The following DSCAML1 variants were observed in gnomAD, a reference collection of about 807,000 sequenced individuals.
DSCAML1 encodes the protein DS cell adhesion molecule like 1.
A neutral mutation model predicts 200.5 loss-of-function variants in DSCAML1; 38 were observed. That is an observed-to-expected ratio of 0.19 (90% CI 0.15 to 0.25). DSCAML1 has a LOEUF of 0.25. DSCAML1 is among the 10% of genes least tolerant of loss of function. DSCAML1 has a pLI of 1.00. For synonymous variants in DSCAML1, 1,215 were observed against 1,165.0 expected (o/e 1.04, Z -0.87); for missense variants, 2,223 against 2,858.8 (o/e 0.78, Z 5.07).
At chr11:117,574,756 C>T (rs1170859625) in intron 3 of DSCAML1, among the ~76,000 whole-genome samples, 1 of 152,198 alleles carries the variant, frequency 6.6e-6, no homozygotes, top group East Asian at 1.9e-4. Context: ...CGGAACCTCC[C>T]TGGGCACCAG....
intron 14 of DSCAML1, among the ~76,000 whole-genome samples, chr11:117,472,740 G>GA (rs1373639048): frequency 1.3e-5 from 2 of 152,190 alleles, no homozygotes. Flanking sequence ...GTAGGAGGTG[G>GA]AAAATACCAG....
intron 3 of DSCAML1, among the ~76,000 whole-genome samples, chr11:117,683,287 C>T (rs1055215829): frequency 1.3e-5 from 2 of 152,180 alleles, no homozygotes; most frequent in African/African-American, 2.4e-5. Flanking sequence ...AGACAGAGCA[C>T]GGTTGGTCCC....
At chr11:117,740,842 A>G (rs2054408985) in intron 3 of DSCAML1, among the ~76,000 whole-genome samples, 1 of 152,272 alleles carries the variant, frequency 6.6e-6, no homozygotes, top group African/African-American at 2.4e-5. Flanking sequence ...CAGAAGGAGT[A>G]CAGCTGGGCT....
chr11:117,654,347 A>C (rs1410853190), intron 3 of DSCAML1, among the ~76,000 whole-genome samples: 1 of 152,208 alleles, frequency 6.6e-6, no homozygotes, highest in Non-Finnish European at 1.5e-5. Flanking sequence ...ATTGTATGGT[A>C]TAAGAATTCT....
Position 117,719,034 on chromosome 11 carries a change from G to GT in DSCAML1, c.511+57756dup, listed in dbSNP as rs1325743670. ...GGCCTGATTTGGCCCATGGGCTATA[G>GT]TTTGTCAGTTCTGTTCTAGGCGGTG... On this transcript the variant is annotated intron_variant, in intron 3 of 32. Transcript: ENST00000651296. Among the ~76,000 whole-genome samples, 3 of 152,308 alleles carry GT rather than the reference G, an allele frequency of 2.0e-5. No individual in the cohort carries two copies. In the East Asian group the frequency reaches 5.8e-4, roughly 29 times the overall value.
At chr11:117,451,187 A>C (rs1207647269) in intron 19 of DSCAML1, among the ~76,000 whole-genome samples, 2 of 152,198 alleles carry the variant, frequency 1.3e-5, no homozygotes, top group South Asian at 4.1e-4. Context: ...CCTTTCTGGA[A>C]GAAAGTCTAC....
chr11:117,661,454 T>A (rs375912345), intron 3 of DSCAML1, among the ~76,000 whole-genome samples: 17 of 152,282 alleles, frequency 1.1e-4, no homozygotes, highest in African/African-American at 4.1e-4. Context: ...CACTGTAACT[T>A]TTGGTGATTG....
intron 3 of DSCAML1, among the ~76,000 whole-genome samples, chr11:117,540,322 G>A (rs1220379980): frequency 6.6e-6 from 1 of 152,112 alleles, no homozygotes; most frequent in Non-Finnish European, 1.5e-5. Context: ...CTGTGCCTGC[G>A]AGGGATCTAG....
intron 20 of DSCAML1, among the ~76,000 whole-genome samples, chr11:117,449,710 A>C (rs1184221691): frequency 5.9e-5 from 9 of 151,492 alleles, no homozygotes; most frequent in Non-Finnish European, 5.9e-5. Context: ...TCTGCCATCC[A>C]CCTCCACTAG....
chr11:117,579,856 T>G (rs1298532811), intron 3 of DSCAML1, among the ~76,000 whole-genome samples: 1 of 152,192 alleles, frequency 6.6e-6, no homozygotes, highest in Non-Finnish European at 1.5e-5. Flanking sequence ...ATATGATATA[T>G]TTAGAATCTT....
At position 117,498,335 on chromosome 11, in the gene DSCAML1, T is replaced by C. The variant is rs1216455395; in HGVS notation, c.2359+5510A>G. Among the ~76,000 whole-genome samples the C allele has an allele frequency of 6.6e-6, 1 of 152,138 alleles. No homozygotes were observed. The highest frequency in any genetic ancestry group is 3.2e-3 in the Middle Eastern group (1 of 316). ...TCTGCCAACAGCCGTCCCTCAGCTC[T>C]AGGGGTCACGGCGGTGGCAGGGCCC... On this transcript the variant is annotated intron_variant, in intron 11 of 32. Transcript: ENST00000651296. This position sits in a 1 kb window ranked among gnomAD's most constrained non-coding sequence, Gnocchi z 4.0.
Position 117,689,071 on chromosome 11 carries a change from G to A in DSCAML1, c.511+87720C>T, listed in dbSNP as rs568301886. Among the ~76,000 whole-genome samples, 4 of 152,190 alleles carry A rather than the reference G, an allele frequency of 2.6e-5. No individual in the cohort carries two copies. The South Asian group carries it at 8.3e-4, about 32-fold the overall frequency. ...TCCTCCTCCCCTCATCTTCCCAGGG[G>A]CTTCTGTTTCCGGCAGGTAACCTCA... On this transcript the variant is annotated intron_variant, in intron 3 of 32. Coordinates refer to ENST00000651296, the MANE Select transcript of DSCAML1 (RefSeq NM_020693.4).
At chr11:117,541,590 G>A (rs1279959824) in intron 3 of DSCAML1, among the ~76,000 whole-genome samples, 2 of 152,176 alleles carry the variant, frequency 1.3e-5, no homozygotes, top group African/African-American at 4.8e-5. Flanking sequence ...TCCTCTTTGG[G>A]CCACTTTGAT....
At chr11:117,756,038 C>T (rs1228868947) in intron 3 of DSCAML1, among the ~76,000 whole-genome samples, 1 of 152,246 alleles carries the variant, frequency 6.6e-6, no homozygotes, top group Non-Finnish European at 1.5e-5. Context: ...GTGAAACACA[C>T]ATCAACACAC....
At position 117,428,528 on chromosome 11, in the gene DSCAML1, G is replaced by T; in HGVS notation, c.5962C>A (p.Pro1988Thr). The change falls in exon 33 of 33, where the codon CCC becomes ACC. Residue 1988 changes from proline (P) to threonine (T), a missense_variant. Physicochemically the swap from Pro to Thr is conservative, Grantham distance 38. Around this residue, in one of 7 missense-constraint regions of DSCAML1, gnomAD observed 280 missense variants for 213.4 expected, o/e 1.31. Transcript: ENST00000651296. ...APPAGTAPPA[P>T]GPTPAEPPTA... ...GGTGGCTCAGCAGGGGTGGGGCCGG[G>T]GGCTGGGGGGGCTGTGCCGGCTGGG... is the stretch of plus-strand genomic sequence containing the variant. The T allele has an allele frequency of 6.6e-7, 1 of 1,506,804 alleles. No homozygotes were observed. Among genetic ancestry groups the T allele is most frequent in the Non-Finnish European group, 9.0e-7 (1 of 1,115,938 alleles). 93.3% of individuals were successfully genotyped at this position (1,506,804 alleles called of 1,614,324 possible).
intron 32 of DSCAML1, 68 bp downstream of exon 32, chr11:117,430,654 G>A: frequency 6.6e-7 from 1 of 1,517,836 alleles, no homozygotes; most frequent in South Asian, 1.3e-5. Context: ...ACTAGATCTA[G>A]CCAGGGCTCA....
chr11:117,797,115 C>T lies in DSCAML1; in HGVS notation c.-36G>A. 1 of 1,589,690 alleles carries T rather than the reference C, an allele frequency of 6.3e-7. No individual in the cohort carries two copies. Among genetic ancestry groups the T allele is most frequent in the Non-Finnish European group, 8.6e-7 (1 of 1,168,900 alleles). On this transcript the variant is annotated 5_prime_UTR_variant, in exon 1 of 33. Coordinates refer to ENST00000651296, the MANE Select transcript of DSCAML1 (RefSeq NM_020693.4). ...GGCCCTATTCTCCGGGGAGGTGGTC[C>T]TGTGGCCGGCCGTGCGGCAGCGCCT...
chr11:117,439,546 C>T, intron 22 of DSCAML1, 117 bp from the exon 23 acceptor site: 2 of 1,365,606 alleles, frequency 1.5e-6, no homozygotes, highest in Non-Finnish European at 2.0e-6. Context: ...CCAGGGAACG[C>T]CGGGTTCTTG....
chr11:117,481,008 A>G lies in DSCAML1; in HGVS notation c.2656+166T>C, dbSNP rs553571541. Among the ~76,000 whole-genome samples, 6 of 152,004 alleles carry G rather than the reference A, an allele frequency of 3.9e-5. No individual in the cohort carries two copies. In the South Asian group the frequency reaches 1.2e-3, roughly 32 times the overall value. The stretch of plus-strand genomic sequence containing the variant: ...GTTCCTGGAAAGGTCTTATTTCCCT[A>G]CTCTGGGCAGGAGGGCAGGTGGAGG... On this transcript the variant is annotated intron_variant, in intron 13 of 32. Coordinates refer to ENST00000651296, the MANE Select transcript of DSCAML1 (RefSeq NM_020693.4).
Sources: gnomAD v4.1 joint callset for allele counts (sites outside exome capture counted in the v4.1 genomes callset) on GRCh38, gnomAD v4.1.1 for gene constraint, gnomAD v4.1.1 regional missense constraint, Gnocchi (gnomAD v3.1) non-coding constraint, MANE v1.5 for transcripts, NCBI Gene and HGNC (gene_info 2026-07-23, HGNC 2026-07-21) for gene names.